EYA3: variants seen among roughly 807,000 people sequenced by gnomAD.
The protein encoded by EYA3 is protein phosphatase EYA3.
In EYA3, 39 loss-of-function variants were observed where a neutral mutation model predicts 80.0. That is an observed-to-expected ratio of 0.49 (90% CI 0.38 to 0.64). EYA3 has a LOEUF of 0.64. Among genes scored for constraint, EYA3 ranks in the 30% least tolerant of loss-of-function variants. The pLI, the probability that EYA3 is intolerant of heterozygous loss-of-function variation, is 0.00. For synonymous variants in EYA3, 206 were observed against 232.8 expected (o/e 0.88, Z 1.05); for missense variants, 523 against 676.1 (o/e 0.77, Z 2.51).
At position 28,013,101 on chromosome 1, in the gene EYA3, C is replaced by T. The variant is rs374991174; in HGVS notation, c.769+10G>A. On this transcript the variant is annotated intron_variant, in intron 9 of 17. Transcript: ENST00000373871. The surrounding 1 kb of genome is among the most constrained non-coding windows in gnomAD (Gnocchi z 4.0). ...CCTTAAGCCAAAGTTTTCAGAGCTG[C>T]GGTGCTTACCAGAGGAAAGTCTCTG... 6 of 1,605,952 alleles carry T rather than the reference C, an allele frequency of 3.7e-6. No individual in the cohort carries two copies. Among genetic ancestry groups the T allele is most frequent in the African/African-American group, 2.7e-5 (2 of 74,592 alleles).
chr1:28,050,200 TTA>T lies in EYA3; in HGVS notation c.34-1776_34-1775del, dbSNP rs1291473672. On this transcript the variant is annotated intron_variant, in intron 2 of 17. Coordinates refer to ENST00000373871, the MANE Select transcript of EYA3 (RefSeq NM_001990.4). ...TTTATTATTATTATTATTATTATTA[TTA>T]TTTTTTTTGAGACAGGGTCTTGTTC... 1.3e-3 allele frequency among the ~76,000 whole-genome samples: 193 copies of T among 146,842 alleles called. 1 individual carries two copies. Among genetic ancestry groups the T allele is most frequent in the African/African-American group, 4.6e-3 (185 of 40,174 alleles).
chr1:28,083,423 G>A (rs949672958), intron 1 of EYA3, among the ~76,000 whole-genome samples: 1 of 152,242 alleles, frequency 6.6e-6, no homozygotes, highest in Admixed American at 6.5e-5. Context: ...AGGAGGCTGA[G>A]GCAGGAGAAT....
At position 27,979,681 on chromosome 1, in the gene EYA3, C is replaced by T. The variant is rs191615205; in HGVS notation, c.1541-1207G>A. ...CTTCTTCAGTTAAACAAGGTCCTAA[C>T]TTTGGCTTTCTTCTTCATCCTGCTC... On this transcript the variant is annotated intron_variant, in intron 16 of 17. Transcript: ENST00000373871. Among the ~76,000 whole-genome samples, 365 of 152,312 alleles carry T rather than the reference C, an allele frequency of 2.4e-3. 2 individuals carry two copies. Among genetic ancestry groups the T allele is most frequent in the South Asian group, 7.7e-3 (37 of 4,828 alleles).
At chr1:28,025,888 G>A (rs1642754140) in intron 7 of EYA3, among the ~76,000 whole-genome samples, 1 of 152,074 alleles carries the variant, frequency 6.6e-6, no homozygotes, top group South Asian at 2.1e-4. Flanking sequence ...GGCCTCCCGA[G>A]TAGCTGGGAT....
chr1:27,980,565 GA>G (rs1639227792), intron 16 of EYA3, among the ~76,000 whole-genome samples: 1 of 152,216 alleles, frequency 6.6e-6, no homozygotes, highest in Admixed American at 6.5e-5. Context: ...GCAGCTCCAT[GA>G]AAACAGGACT....
chr1:27,988,534 C>A lies in EYA3; in HGVS notation c.1540+1G>T. 6.2e-7 allele frequency: 1 copy of A among 1,612,260 alleles called. No individual in the cohort carries two copies. The highest frequency in any genetic ancestry group is 1.1e-5 in the South Asian group (1 of 90,752). ...GACAAGAAACAGCATAGAAACCATA[C>A]CAATTTTGGTAGCACTATAGATGTT... On this transcript the variant is annotated splice_donor_variant, in intron 16 of 17. Coordinates refer to ENST00000373871, the MANE Select transcript of EYA3 (RefSeq NM_001990.4). LOFTEE classifies it high-confidence loss of function.
chr1:27,975,703 T>G (rs981125251), intron 17 of EYA3, among the ~76,000 whole-genome samples: 1 of 152,058 alleles, frequency 6.6e-6, no homozygotes, highest in Non-Finnish European at 1.5e-5. Context: ...GCCAGGATGG[T>G]CTTGATCTCC....
At chr1:28,054,882 G>A (rs1644384301) in intron 2 of EYA3, among the ~76,000 whole-genome samples, 1 of 152,002 alleles carries the variant, frequency 6.6e-6, no homozygotes, top group Non-Finnish European at 1.5e-5. Flanking sequence ...TTCACTACTT[G>A]GTTTGTTTGT....
In EYA3 at chr1:27,973,170, G is replaced by C. The variant is rs1226147878; in HGVS notation, c.*1296C>G. ...GCTCTTCAGTTTCAGGCAGAGATCT[G>C]GGTAAATACATACCTGGGACATCCT... On this transcript the variant is annotated 3_prime_UTR_variant, in exon 18 of 18. Transcript: ENST00000373871. 6.6e-6 allele frequency: 1 copy of C among 152,200 alleles called. No homozygotes were observed. The highest frequency in any genetic ancestry group is 1.5e-5 in the Non-Finnish European group (1 of 68,034). 9.4% of individuals were successfully genotyped at this position (152,200 alleles called of 1,614,324 possible).
At chr1:28,083,087 A>G (rs1298513408) in intron 1 of EYA3, among the ~76,000 whole-genome samples, 1 of 152,212 alleles carries the variant, frequency 6.6e-6, no homozygotes, top group Non-Finnish European at 1.5e-5. Context: ...AAAGTAGCAG[A>G]CCCTTGTACA....
chr1:28,084,578 TATATATATATATATATA>T (rs1300349616), intron 1 of EYA3, among the ~76,000 whole-genome samples: 231 of 14,864 alleles, frequency 0.016, 1 homozygote, highest in African/African-American at 0.052. Context: ...TATATATATA[TATATATATATATATATA>T]TTTTTTTTTT....
chr1:28,040,267 G>C (rs934038570), intron 4 of EYA3, among the ~76,000 whole-genome samples: 1 of 152,222 alleles, frequency 6.6e-6, no homozygotes, highest in East Asian at 1.9e-4. Context: ...TTGATGTAGA[G>C]AATGAGGAAA....
At chr1:28,068,334 C>CA (rs34643708) in intron 1 of EYA3, among the ~76,000 whole-genome samples, 36,238 of 130,482 alleles carry the variant, frequency 0.28, 4,647 homozygotes, top group Non-Finnish European at 0.3. Context: ...ACTCCCATCT[C>CA]AAAAAAAAAA....
At chr1:28,021,132 C>T (rs1012773035) in intron 7 of EYA3, among the ~76,000 whole-genome samples, 2 of 152,206 alleles carry the variant, frequency 1.3e-5, no homozygotes, top group Non-Finnish European at 2.9e-5. Flanking sequence ...TTTTTACCCA[C>T]CTCTCTAATT....
intron 2 of EYA3, among the ~76,000 whole-genome samples, chr1:28,048,765 CAG>C (rs772015415): frequency 7.2e-4 from 110 of 152,014 alleles, no homozygotes; most frequent in Non-Finnish European, 2.1e-4. Flanking sequence ...TTTAAACAAA[CAG>C]TAAAGATGGG....
At chr1:28,049,222 T>C (rs921254668) in intron 2 of EYA3, among the ~76,000 whole-genome samples, 1 of 152,150 alleles carries the variant, frequency 6.6e-6, no homozygotes, top group African/African-American at 2.4e-5. Context: ...ATTGACTATT[T>C]CAGACAAGGT....
intron 2 of EYA3, among the ~76,000 whole-genome samples, chr1:28,049,545 A>G (rs921297358): frequency 1.3e-5 from 2 of 152,248 alleles, no homozygotes; most frequent in African/African-American, 2.4e-5. Context: ...GAGAAAATAG[A>G]TATGATTACA....
intron 16 of EYA3, among the ~76,000 whole-genome samples, chr1:27,987,272 G>A (rs1035735112): frequency 1.4e-4 from 21 of 152,202 alleles, no homozygotes; most frequent in African/African-American, 5.1e-4. Context: ...GTTCAGCCAT[G>A]ATGTAGCCTG....
intron 1 of EYA3, among the ~76,000 whole-genome samples, chr1:28,068,045 C>A: frequency 6.6e-6 from 1 of 152,076 alleles, no homozygotes; most frequent in East Asian, 1.9e-4. Flanking sequence ...GAGCATAAAA[C>A]CCTCCCTTTT....
Sources: allele counts gnomAD v4.1 joint callset (sites outside exome capture counted in the v4.1 genomes callset), GRCh38; gene constraint gnomAD v4.1.1; non-coding constraint Gnocchi (gnomAD v3.1); transcripts MANE v1.5; gene names NCBI Gene and HGNC (gene_info 2026-07-23, HGNC 2026-07-21).